ADARB1: variants seen among roughly 807,000 people sequenced by gnomAD.
ADARB1 encodes adenosine deaminase RNA specific B1, also known as double-stranded RNA-specific editase 1.
ADARB1 carries 10 observed loss-of-function variants against 52.4 expected under a neutral mutation model. That is an observed-to-expected ratio of 0.19 (90% CI 0.12 to 0.32). The LOEUF (loss-of-function observed/expected upper bound fraction) is 0.32. Ranked by LOEUF, ADARB1 falls within the 10% of genes least tolerant of loss-of-function variation. ADARB1 has a pLI of 1.00. For missense variants in ADARB1, 643 were observed against 922.3 expected, an observed-to-expected ratio of 0.70 and a Z score of 3.92; for synonymous variants, 349 against 371.1, an observed-to-expected ratio of 0.94 and a Z score of 0.68.
chr21:45,226,471 G>A lies in ADARB1; in HGVS notation c.*4274G>A, dbSNP rs972709205. On this transcript the variant is annotated 3_prime_UTR_variant, in exon 11 of 11. Coordinates refer to ENST00000348831, the MANE Select transcript of ADARB1 (RefSeq NM_001112.4). ...GTTACAACTGCATGAGCTTCCTCTCGCACAAGACCAGCTGGAACTGAGCAT... is the reference window on the plus strand; with the variant it reads ...GTTACAACTGCATGAGCTTCCTCTCACACAAGACCAGCTGGAACTGAGCAT... 1 of 152,590 alleles carries A rather than the reference G, an allele frequency of 6.6e-6. No individual in the cohort carries two copies. Among genetic ancestry groups the A allele is most frequent in the African/African-American group, 2.4e-5 (1 of 41,436 alleles). The allele number at this position is 152,590 out of a possible 1,614,324, so 9.5% of individuals were successfully genotyped here.
At chr21:45,109,213 G>A (rs1483777328) in intron 1 of ADARB1, among the ~76,000 whole-genome samples, 1 of 148,652 alleles carries the variant, frequency 6.7e-6, no homozygotes, top group Non-Finnish European at 1.5e-5. Context: ...GTTTGCGCGC[G>A]TGTGTGCGCG....
At position 45,171,852 on chromosome 21, in the gene ADARB1, G is replaced by T. The variant is rs1286084850; in HGVS notation, c.28+168G>T. The T allele has an allele frequency of 8.0e-6, 5 of 622,094 alleles. No homozygotes were observed. In the African/African-American group the frequency reaches 9.6e-5, roughly 12 times the overall value. The allele number at this position is 622,094 out of a possible 1,614,324, so 38.5% of individuals were successfully genotyped here. A position where few individuals can be genotyped will look rare whatever the true frequency, so the allele number is the denominator to read the frequency against. On this transcript the variant is annotated intron_variant, in intron 3 of 10. Coordinates refer to ENST00000348831, the MANE Select transcript of ADARB1 (RefSeq NM_001112.4). ...ATTTTTGGTGTGTTCTCTGCAACAG[G>T]TGTCAGAATTTGCTGCAGACGTTTT...
chr21:45,207,451 G>C (rs2092687638), intron 9 of ADARB1, among the ~76,000 whole-genome samples: 1 of 152,170 alleles, frequency 6.6e-6, no homozygotes, highest in East Asian at 1.9e-4. Context: ...TGAAGCCGAA[G>C]GCAAGTAATG....
intron 8 of ADARB1, among the ~76,000 whole-genome samples, chr21:45,197,568 C>T (rs963036842): frequency 2.0e-5 from 3 of 151,522 alleles, no homozygotes; most frequent in African/African-American, 7.3e-5. Context: ...TAGTGGTTTA[C>T]CAAAGAGAAA....
At chr21:45,123,072 G>A (rs1333643925) in intron 1 of ADARB1, among the ~76,000 whole-genome samples, 2 of 151,772 alleles carry the variant, frequency 1.3e-5, no homozygotes, top group African/African-American at 4.8e-5. Context: ...TTGTTCTGTT[G>A]CCTGATTATT....
At chr21:45,091,094 G>C (rs1288732204) in intron 1 of ADARB1, among the ~76,000 whole-genome samples, 2 of 152,200 alleles carry the variant, frequency 1.3e-5, no homozygotes, top group Non-Finnish European at 2.9e-5. Flanking sequence ...TGAGCACTTT[G>C]GATACCAAAG....
chr21:45,201,387 C>T (rs1345002510), intron 8 of ADARB1, among the ~76,000 whole-genome samples: 1 of 152,182 alleles, frequency 6.6e-6, no homozygotes, highest in Non-Finnish European at 1.5e-5. Flanking sequence ...TTAATGACTC[C>T]TAACAAATGA....
In ADARB1 at chr21:45,098,765, T is replaced by C. The variant is rs150994629; in HGVS notation, c.-220+23972T>C. On this transcript the variant is annotated intron_variant, in intron 1 of 10. Transcript: ENST00000348831. Reference sequence around the variant, plus strand: ...TCTCTTTGGGCTATTTGCACACATATGCTCTTAGCCTCCTTTCGAGCACTT... The same window carrying C: ...TCTCTTTGGGCTATTTGCACACATACGCTCTTAGCCTCCTTTCGAGCACTT... 1.8e-3 allele frequency among the ~76,000 whole-genome samples: 271 copies of C among 152,346 alleles called. 4 individuals are homozygous for C. The East Asian group carries it at 0.045, about 26-fold the overall frequency.
Position 45,106,028 on chromosome 21 carries a change from A to C in ADARB1, c.-219-22374A>C, listed in dbSNP as rs529372028. On this transcript the variant is annotated intron_variant, in intron 1 of 10. Transcript: ENST00000348831. ...AATCTAGTGCAGAAATTCTTTTGTA[A>C]GAACAAGCTACCCTGATGTCATGTC... Among the ~76,000 whole-genome samples the C allele has an allele frequency of 5.9e-5, 9 of 152,358 alleles. No individual in the cohort carries two copies. The South Asian group carries it at 1.9e-3, about 32-fold the overall frequency.
rs149036504 is a variant in ADARB1 at position 45,145,945 on chromosome 21, C to T, written c.-48+17372C>T. ...GCCAGCTGACATGACCTTTGCCAGT[C>T]ATGTTGACCACGTTCTCACCGAGCT... On this transcript the variant is annotated intron_variant, in intron 2 of 10. Transcript: ENST00000348831. The T allele has an allele frequency of 2.4e-4, 37 of 152,390 alleles. No individual in the cohort carries two copies. The East Asian group carries it at 5.2e-3, about 21-fold the overall frequency. 9.4% of individuals were successfully genotyped at this position (152,390 alleles called of 1,614,324 possible). A position where few individuals can be genotyped will look rare whatever the true frequency, so the allele number is the denominator to read the frequency against.
chr21:45,171,461 A>G, intron 2 of ADARB1, 149 bp from the exon 3 acceptor site: 3 of 605,940 alleles, frequency 5.0e-6, no homozygotes, highest in East Asian at 3.0e-5. Context: ...CAGATGGCAG[A>G]TCTGACTTCT....
chr21:45,197,751 T>C (rs2092458810), intron 8 of ADARB1, among the ~76,000 whole-genome samples: 1 of 151,962 alleles, frequency 6.6e-6, no homozygotes, highest in Non-Finnish European at 1.5e-5. Context: ...AAAAGAACAG[T>C]GATACACACT....
At chr21:45,118,968 C>T (rs762685974) in intron 1 of ADARB1, among the ~76,000 whole-genome samples, 27 of 152,218 alleles carry the variant, frequency 1.8e-4, no homozygotes, top group Non-Finnish European at 3.4e-4. Context: ...AAATTTTTAG[C>T]ACCGTGCACT....
chr21:45,111,868 TGC>T (rs2087554701), intron 1 of ADARB1, among the ~76,000 whole-genome samples: 1 of 152,226 alleles, frequency 6.6e-6, no homozygotes, highest in Non-Finnish European at 1.5e-5. Flanking sequence ...GCACAGGTGT[TGC>T]TGGGGTGGAT....
chr21:45,097,675 C>T (rs1217520517), intron 1 of ADARB1, among the ~76,000 whole-genome samples: 1 of 152,148 alleles, frequency 6.6e-6, no homozygotes, highest in African/African-American at 2.4e-5. Context: ...TATGACTGGA[C>T]AGCTGGGAGG....
chr21:45,167,918 T>C (rs1434677002), intron 2 of ADARB1, among the ~76,000 whole-genome samples: 1 of 152,194 alleles, frequency 6.6e-6, no homozygotes, highest in African/African-American at 2.4e-5. Context: ...CAAACTACTT[T>C]CTAGAGTAGC....
At chr21:45,101,060 G>A (rs545587397) in intron 1 of ADARB1, 7 of 152,928 alleles carry the variant, frequency 4.6e-5, no homozygotes, top group African/African-American at 9.6e-5. Flanking sequence ...CAAGCGCTCC[G>A]GCTCGTCCCG....
rs532362079 is a variant in ADARB1 at position 45,130,769 on chromosome 21, A to G, written c.-48+2196A>G. Reference sequence around the variant, plus strand: ...TGGGGAGTTATTTTTAGTTTCAGGCAGACTCACTGTTTTTGCCTTTCTTTT... The same window carrying G: ...TGGGGAGTTATTTTTAGTTTCAGGCGGACTCACTGTTTTTGCCTTTCTTTT... On this transcript the variant is annotated intron_variant, in intron 2 of 10. Transcript: ENST00000348831. Among the ~76,000 whole-genome samples, 4 of 152,298 alleles carry G rather than the reference A, an allele frequency of 2.6e-5. No individual in the cohort carries two copies. In the East Asian group the frequency reaches 7.7e-4, roughly 29 times the overall value.
Position 45,112,095 on chromosome 21 carries a change from C to G in ADARB1, c.-219-16307C>G, listed in dbSNP as rs867463425. ...GGACCTGCTTACTAGTGAGATTGAG[C>G]TTTTGTTACATTTCATGGAATTCTG... On this transcript the variant is annotated intron_variant, in intron 1 of 10. Coordinates refer to ENST00000348831, the MANE Select transcript of ADARB1 (RefSeq NM_001112.4). Among the ~76,000 whole-genome samples, 3 of 152,268 alleles carry G rather than the reference C, an allele frequency of 2.0e-5. No homozygotes were observed. The South Asian group carries it at 6.2e-4, about 32-fold the overall frequency.
Sources: gnomAD v4.1 joint callset for allele counts (sites outside exome capture counted in the v4.1 genomes callset) on GRCh38, gnomAD v4.1.1 for gene constraint, MANE v1.5 for transcripts, NCBI Gene and HGNC (gene_info 2026-07-23, HGNC 2026-07-21) for gene names.